The following STPG2 variants were observed in gnomAD, a reference collection of about 807,000 sequenced individuals.
STPG2 encodes the protein sperm-tail PG-rich repeat-containing protein 2.
STPG2 carries 56 observed loss-of-function variants against 54.2 expected under a neutral mutation model. The observed-to-expected ratio is 1.03, with a 90% confidence interval of 0.83 to 1.29. STPG2 has a LOEUF of 1.29. STPG2 is among the 50% of genes most tolerant of loss of function. The probability of loss-of-function intolerance (pLI) is 0.00; values close to 1 mark genes in which losing one functional copy is unlikely to be tolerated. For synonymous variants in STPG2, 200 were observed against 181.8 expected (o/e 1.10, Z -0.81); for missense variants, 596 against 544.9 (o/e 1.09, Z -0.93).
At chr4:97,504,417 T>C (rs906066336) in intron 4 of STPG2, among the ~76,000 whole-genome samples, 8 of 151,526 alleles carry the variant, frequency 5.3e-5, no homozygotes. Flanking sequence ...ATAAACTTTA[T>C]AGAACTTGTG....
chr4:98,021,033 A>C (rs1031628226), intron 5 of STPG2, among the ~76,000 whole-genome samples: 6 of 151,944 alleles, frequency 3.9e-5, no homozygotes, highest in Admixed American at 6.5e-5. Context: ...TTCTGCTCTG[A>C]TTTTAGTTAT....
At chr4:97,992,794 G>A (rs1735062251) in intron 5 of STPG2, among the ~76,000 whole-genome samples, 2 of 151,802 alleles carry the variant, frequency 1.3e-5, no homozygotes, top group South Asian at 4.2e-4. Context: ...GTTTTCCTTT[G>A]AGAGGTCTTT....
chr4:98,061,024 G>A (rs1355813977), intron 5 of STPG2, among the ~76,000 whole-genome samples: 2 of 152,066 alleles, frequency 1.3e-5, no homozygotes, highest in Admixed American at 6.6e-5. Flanking sequence ...ATTTCATGAC[G>A]AAGATGCCAA....
chr4:97,726,144 G>C (rs13120457), intron 9 of STPG2, among the ~76,000 whole-genome samples: 1,797 of 151,974 alleles, frequency 0.012, 17 homozygotes, highest in Non-Finnish European at 0.019. Context: ...CTCCAGAAAA[G>C]AGGTCTCCAG....
intron 5 of STPG2, among the ~76,000 whole-genome samples, chr4:98,005,985 C>T (rs1038522942): frequency 4.6e-5 from 7 of 152,104 alleles, no homozygotes; most frequent in Non-Finnish European, 8.8e-5. Context: ...CCAATTAAAC[C>T]ATCAGGTCCT....
At chr4:97,859,713 T>G (rs1205382097) in intron 8 of STPG2, among the ~76,000 whole-genome samples, 1 of 152,172 alleles carries the variant, frequency 6.6e-6, no homozygotes, top group Non-Finnish European at 1.5e-5. Context: ...TCCGCCAACT[T>G]GGCCTCCCAA....
At position 97,774,727 on chromosome 4, in the gene STPG2, A is replaced by G. The variant is rs556413781; in HGVS notation, c.1205-61913T>C. Among the ~76,000 whole-genome samples the G allele has an allele frequency of 2.0e-5, 3 of 152,354 alleles. No homozygotes were observed. The South Asian group carries it at 6.2e-4, about 32-fold the overall frequency. ...CTCATTCTCACACACACACAAAATC[A>G]GCAGTATAGGATCATAGTGTTGGCT... On this transcript the variant is annotated intron_variant, in intron 9 of 10. Coordinates refer to ENST00000295268, the MANE Select transcript of STPG2 (RefSeq NM_174952.3).
intron 5 of STPG2, among the ~76,000 whole-genome samples, chr4:98,013,437 G>GT (rs1735821549): frequency 6.6e-6 from 1 of 152,114 alleles, no homozygotes; most frequent in Non-Finnish European, 1.5e-5. Context: ...CCAGGTTTTG[G>GT]TATCAGGGTG....
chr4:97,832,501 G>A (rs1728500381), intron 9 of STPG2, among the ~76,000 whole-genome samples: 1 of 152,144 alleles, frequency 6.6e-6, no homozygotes, highest in African/African-American at 2.4e-5. Context: ...ACATAGTATT[G>A]GAAGTTCTGG....
At chr4:97,644,120 TC>T (rs200244100) in intron 10 of STPG2, among the ~76,000 whole-genome samples, 7,176 of 151,986 alleles carry the variant, frequency 0.047, 252 homozygotes, top group Middle Eastern at 0.11. Context: ...TAACCTTTGA[TC>T]TTTTGACAAA....
At chr4:98,123,845 T>C (rs1406164642) in intron 3 of STPG2, among the ~76,000 whole-genome samples, 1 of 152,190 alleles carries the variant, frequency 6.6e-6, no homozygotes, top group African/African-American at 2.4e-5. Context: ...TCTAAGAACT[T>C]GCTTTATGAA....
At chr4:97,665,616 G>T (rs1177956759) in intron 10 of STPG2, among the ~76,000 whole-genome samples, 1 of 152,106 alleles carries the variant, frequency 6.6e-6, no homozygotes, top group Non-Finnish European at 1.5e-5. Context: ...CCGTCCACAG[G>T]GCTGGAATCC....
At chr4:97,828,030 T>C (rs1728318950) in intron 9 of STPG2, among the ~76,000 whole-genome samples, 1 of 152,218 alleles carries the variant, frequency 6.6e-6, no homozygotes, top group East Asian at 1.9e-4. Context: ...ATTCCTTTTA[T>C]GGAACAAAGT....
intron 8 of STPG2, among the ~76,000 whole-genome samples, chr4:97,907,543 A>G (rs976238393): frequency 4.7e-4 from 72 of 152,128 alleles, no homozygotes; most frequent in Non-Finnish European, 8.4e-4. Context: ...GAACCAAAAA[A>G]GAGCCTACAT....
At chr4:97,599,949 G>C (rs1733414663) in intron 10 of STPG2, among the ~76,000 whole-genome samples, 2 of 152,106 alleles carry the variant, frequency 1.3e-5, no homozygotes, top group Non-Finnish European at 2.9e-5. Context: ...AACATGGATG[G>C]AGCTGGAGGC....
chr4:97,863,656 T>A (rs982015713), intron 8 of STPG2, among the ~76,000 whole-genome samples: 1 of 152,016 alleles, frequency 6.6e-6, no homozygotes, highest in African/African-American at 2.4e-5. Flanking sequence ...AAAAGAGAAT[T>A]TTAGACCAAT....
At chr4:97,530,684 A>C (rs1179403773) in intron 4 of STPG2, among the ~76,000 whole-genome samples, 2 of 152,224 alleles carry the variant, frequency 1.3e-5, no homozygotes, top group Admixed American at 6.5e-5. Context: ...AAGAACCAAA[A>C]TCAGGTGAGC....
chr4:97,784,427 G>A (rs1726758973), intron 9 of STPG2, among the ~76,000 whole-genome samples: 1 of 151,868 alleles, frequency 6.6e-6, no homozygotes, highest in African/African-American at 2.4e-5. Flanking sequence ...ATCTGAATAT[G>A]GTGTTTATCT....
chr4:97,795,525 C>G (rs1336893947), intron 9 of STPG2, among the ~76,000 whole-genome samples: 4 of 152,304 alleles, frequency 2.6e-5, no homozygotes, highest in Non-Finnish European at 5.9e-5. Context: ...AGGACATGAA[C>G]TCATCTTTTT....
Sources: gnomAD v4.1 joint callset for allele counts (sites outside exome capture counted in the v4.1 genomes callset) on GRCh38, gnomAD v4.1.1 for gene constraint, MANE v1.5 for transcripts, NCBI Gene and HGNC (gene_info 2026-07-23, HGNC 2026-07-21) for gene names.